Variants in ARHGAP27 observed in about 807,000 individuals in gnomAD.
ARHGAP27 encodes rho GTPase-activating protein 27.
ARHGAP27 carries 53 observed loss-of-function variants against 102.0 expected under a neutral mutation model. That is an observed-to-expected ratio of 0.52 (90% CI 0.42 to 0.65). The LOEUF is 0.65. Among genes scored for constraint, ARHGAP27 ranks in the 30% least tolerant of loss-of-function variants. The probability of loss-of-function intolerance (pLI) is 0.00; values close to 1 mark genes in which losing one functional copy is unlikely to be tolerated. For synonymous variants in ARHGAP27, 525 were observed against 542.8 expected (o/e 0.97, Z 0.46); for missense variants, 1,117 against 1,256.2 (o/e 0.89, Z 1.68).
In ARHGAP27 at chr17:45,396,658, C is replaced by A. The variant is rs780185845; in HGVS notation, c.2074+10G>T. 6.2e-7 allele frequency: 1 copy of A among 1,613,504 alleles called. No homozygotes were observed. The highest frequency in any genetic ancestry group is 8.5e-7 in the Non-Finnish European group (1 of 1,179,580). Reference sequence around the variant, plus strand: ...GTCCCGGGTCCCCGCCCCCCGCAGGCCTCGGGTACCTTTGATGTAGCCCTT... The same window carrying A: ...GTCCCGGGTCCCCGCCCCCCGCAGGACTCGGGTACCTTTGATGTAGCCCTT... On this transcript the variant is annotated intron_variant, in intron 15 of 19. Transcript: ENST00000685559.
chr17:45,432,497 G>C (rs913510880), intron 1 of ARHGAP27, 148 bp from the exon 2 acceptor site: 2 of 152,552 alleles, frequency 1.3e-5, no homozygotes, highest in African/African-American at 4.8e-5. Flanking sequence ...GGCGCTGGGG[G>C]CCTGGGCCTG....
At position 45,430,993 on chromosome 17, in the gene ARHGAP27, T is replaced by G. The variant is rs1259628668; in HGVS notation, c.-19+628A>C. Reference sequence around the variant, plus strand: ...TTCCCCAGCTGCATCACCGCAGACGTGAGCCCGAGCCCGGCCCGCCCAGCC... The same window carrying G: ...TTCCCCAGCTGCATCACCGCAGACGGGAGCCCGAGCCCGGCCCGCCCAGCC... On this transcript the variant is annotated intron_variant, in intron 3 of 19. Coordinates refer to ENST00000685559, the MANE Select transcript of ARHGAP27 (RefSeq NM_001282290.2). The surrounding 1 kb of genome is among the most constrained non-coding windows in gnomAD (Gnocchi z 4.4). 1.3e-5 allele frequency among the ~76,000 whole-genome samples: 2 copies of G among 152,032 alleles called. No individual in the cohort carries two copies. Among genetic ancestry groups the G allele is most frequent in the Non-Finnish European group, 2.9e-5 (2 of 67,986 alleles).
intron 7 of ARHGAP27, 29 bp from the exon 8 acceptor site, chr17:45,404,557 T>G: frequency 6.2e-7 from 1 of 1,613,506 alleles, no homozygotes; most frequent in Non-Finnish European, 8.5e-7. Flanking sequence ...TCGTATATGA[T>G]CTCTTCCTCT....
At chr17:45,395,959 G>T in intron 18 of ARHGAP27, 24 bp downstream of exon 18, 2 of 1,596,260 alleles carry the variant, frequency 1.3e-6, no homozygotes, top group Non-Finnish European at 8.5e-7. Flanking sequence ...TACCCCATCC[G>T]CCCCACCTGC....
chr17:45,418,792 G>A (rs1329701105), intron 4 of ARHGAP27, among the ~76,000 whole-genome samples: 1 of 152,058 alleles, frequency 6.6e-6, no homozygotes, highest in Non-Finnish European at 1.5e-5. Context: ...GGACCCTGGG[G>A]AGAAGGCAGG....
In ARHGAP27 at chr17:45,396,020, GAAGA is replaced by G. The variant is rs1436222026; in HGVS notation, c.2345_2348del (p.Leu782ProfsTer50). On this transcript the variant is annotated frameshift_variant, in exon 18 of 20. Coordinates refer to ENST00000685559, the MANE Select transcript of ARHGAP27 (RefSeq NM_001282290.2). LOFTEE classifies it high-confidence loss of function. The stretch of plus-strand genomic sequence containing the variant: ...TGAACTGGCGGAAGTGCGAGAAGGG[GAAGA>G]GGGGCTCGGGCAGCTCCCGAAAGAA... 6.2e-7 allele frequency: 1 copy of G among 1,613,722 alleles called. No homozygotes were observed. The highest frequency in any genetic ancestry group is 8.5e-7 in the Non-Finnish European group (1 of 1,179,862).
chr17:45,396,772 G>C lies in ARHGAP27; in HGVS notation c.1970C>G (p.Pro657Arg), dbSNP rs1248227037. The C allele has an allele frequency of 2.5e-6, 4 of 1,612,620 alleles. No homozygotes were observed. The highest frequency in any genetic ancestry group is 2.2e-5 in the South Asian group (2 of 90,940). ...RPNAAAPALG[P>R]VGLESDLSKV... ...GCTCAAGTCGCTCTCCAGGCCCACG[G>C]GGCCCAGGGCGGGCGCGGCTGCCGC... The change falls in exon 15 of 20, where the codon CCC (proline) becomes CGC (arginine). Residue 657 changes from proline (P) to arginine (R), a missense_variant. Around this residue, in one of 3 missense-constraint regions of ARHGAP27, gnomAD observed 493 missense variants for 505.5 expected, o/e 0.98. Transcript: ENST00000685559.
chr17:45,417,284 C>T (rs1299922845), intron 4 of ARHGAP27, among the ~76,000 whole-genome samples: 2 of 149,196 alleles, frequency 1.3e-5, no homozygotes, highest in East Asian at 2.0e-4. Flanking sequence ...ACCAACATGG[C>T]GAAACCCCTC....
chr17:45,398,139 G>T, intron 12 of ARHGAP27, 92 bp from the exon 13 acceptor site: 2 of 991,218 alleles, frequency 2.0e-6, no homozygotes, highest in Non-Finnish European at 2.9e-6. Flanking sequence ...AGATAGAGGT[G>T]ACCTGTCCCT....
In ARHGAP27 at chr17:45,429,642, G is replaced by A. The variant is rs2959953; in HGVS notation, c.638C>T (p.Pro213Leu). The A allele has an allele frequency of 2.5e-6, 4 of 1,580,820 alleles. No individual in the cohort carries two copies. Among genetic ancestry groups the A allele is most frequent in the East Asian group, 2.3e-5 (1 of 43,120 alleles). Residue 213 changes from proline to leucine, a missense_variant, in exon 4 of 20, where the codon CCG becomes CTG. Pro to Leu is a moderately conservative substitution (Grantham distance 98, BLOSUM62 -3). This residue lies in a region of ARHGAP27 where 610 missense variants were observed against 716.4 expected (regional missense o/e 0.85). Coordinates refer to ENST00000685559, the MANE Select transcript of ARHGAP27 (RefSeq NM_001282290.2). The stretch of plus-strand genomic sequence containing the variant: ...AGGTACCTGCTCTGCGCTCTCCTCC[G>A]GCGGCGGGACGTGCAAGTCCTGGAT... ...EVIQDLHVPPPEESAEQVDDP... is the reference protein window; with the variant it reads ...EVIQDLHVPPLEESAEQVDDP...
chr17:45,401,199 T>C (rs910815646), intron 12 of ARHGAP27, among the ~76,000 whole-genome samples: 1 of 152,048 alleles, frequency 6.6e-6, no homozygotes, highest in African/African-American at 2.4e-5. Context: ...ATTAGCCAGA[T>C]GTGATGGAAC....
Position 45,427,302 on chromosome 17 carries a change from G to A in ARHGAP27, c.657+2321C>T, listed in dbSNP as rs1223049954. Among the ~76,000 whole-genome samples the A allele has an allele frequency of 1.3e-5, 2 of 152,276 alleles. No individual in the cohort carries two copies. The highest frequency in any genetic ancestry group is 1.3e-4 in the Admixed American group (2 of 15,296). On this transcript the variant is annotated intron_variant, in intron 4 of 19. Coordinates refer to ENST00000685559, the MANE Select transcript of ARHGAP27 (RefSeq NM_001282290.2). The surrounding 1 kb of genome is among the most constrained non-coding windows in gnomAD (Gnocchi z 4.5). ...GTGCACATTCCTGGCAAGGGCCCAC[G>A]AGGCCCTGCCCGGGTGGGCACCCAC...
intron 12 of ARHGAP27, among the ~76,000 whole-genome samples, chr17:45,400,202 C>T (rs1237653380): frequency 1.3e-5 from 2 of 152,074 alleles, no homozygotes; most frequent in Non-Finnish European, 2.9e-5. Flanking sequence ...TCCTGCTGAC[C>T]GCACAGGCAA....
At position 45,397,012 on chromosome 17, in the gene ARHGAP27, G is replaced by A. The variant is rs555938540; in HGVS notation, c.1855C>T (p.Pro619Ser). The A allele has an allele frequency of 6.9e-6, 11 of 1,603,314 alleles. No individual in the cohort carries two copies. The highest frequency in any genetic ancestry group is 1.3e-5 in the African/African-American group (1 of 74,940). ...CTGCTGCTCTCGCTCTCCTCTGGGG[G>A]CAGCTCTGCGGACTGGATTCCCATA... is the stretch of plus-strand genomic sequence containing the variant. ...QGIQELSAEL[P>S]PEESESSRVD... The change falls in exon 14 of 20, where the codon CCC becomes TCC. Residue 619 changes from proline (P) to serine (S), a missense_variant. Pro to Ser is a moderately conservative substitution (Grantham distance 74). Around this residue, in one of 3 missense-constraint regions of ARHGAP27, gnomAD observed 493 missense variants for 505.5 expected, o/e 0.98. Transcript: ENST00000685559.
chr17:45,413,978 C>T (rs1489807289), intron 4 of ARHGAP27, among the ~76,000 whole-genome samples: 13 of 152,164 alleles, frequency 8.5e-5, no homozygotes, highest in East Asian at 1.9e-4. Context: ...TGGTGGCGTG[C>T]GCCTGTAATT....
intron 4 of ARHGAP27, among the ~76,000 whole-genome samples, chr17:45,425,160 C>T (rs535927042): frequency 7.9e-5 from 12 of 151,014 alleles, no homozygotes; most frequent in Non-Finnish European, 1.3e-4. Context: ...GGTGAGTCAC[C>T]GGGAGGGAAC....
chr17:45,418,271 TAAAAA>T (rs66460873), intron 4 of ARHGAP27, among the ~76,000 whole-genome samples: 1 of 100,158 alleles, frequency 1.0e-5, no homozygotes, highest in Non-Finnish European at 2.0e-5. Flanking sequence ...TAATAAAAAG[TAAAAA>T]AAAAAAAAAA....
At chr17:45,422,031 T>C (rs1420417668) in intron 4 of ARHGAP27, among the ~76,000 whole-genome samples, 3 of 152,108 alleles carry the variant, frequency 2.0e-5, no homozygotes, top group African/African-American at 7.2e-5. Flanking sequence ...TTGGATGTGG[T>C]GGCGTGTGCC....
rs2045327460 is a variant in ARHGAP27 at position 45,393,987 on chromosome 17, CCCCT to C, written c.*1465_*1468del. ...AAATATTTAGACATATGGTATGAGG[CCCCT>C]GTGTGTACTCTTGCCCTGGCCCTGT... On this transcript the variant is annotated 3_prime_UTR_variant, in exon 20 of 20. Transcript: ENST00000685559. 1 of 152,650 alleles carries C rather than the reference CCCCT, an allele frequency of 6.6e-6. No individual in the cohort carries two copies. The highest frequency in any genetic ancestry group is 1.5e-5 in the Non-Finnish European group (1 of 68,050). 9.5% of individuals were successfully genotyped at this position (152,650 alleles called of 1,614,324 possible). A position where few individuals can be genotyped will look rare whatever the true frequency, so the allele number is the denominator to read the frequency against.
Sources: allele counts gnomAD v4.1 joint callset (sites outside exome capture counted in the v4.1 genomes callset), GRCh38; gene constraint gnomAD v4.1.1; regional missense constraint gnomAD v4.1.1; non-coding constraint Gnocchi (gnomAD v3.1); transcripts MANE v1.5; gene names NCBI Gene and HGNC (gene_info 2026-07-23, HGNC 2026-07-21).